Variants in MSRA observed in about 807,000 individuals in gnomAD.
The protein encoded by MSRA is methionine sulfoxide reductase A.
A neutral mutation model predicts 31.3 loss-of-function variants in MSRA; 54 were observed. That is an observed-to-expected ratio of 1.73 (90% CI 1.39 to 2.17). MSRA has a LOEUF of 2.17. Among genes scored for constraint, MSRA ranks in the 30% most tolerant of loss-of-function variants. The pLI, the probability that MSRA is intolerant of heterozygous loss-of-function variation, is 0.00. For synonymous variants in MSRA, 169 were observed against 116.5 expected (o/e 1.45, Z -2.90); for missense variants, 507 against 300.9 (o/e 1.69, Z -5.07).
intron 1 of MSRA, among the ~76,000 whole-genome samples, chr8:10,148,621 T>A (rs572282613): frequency 1.3e-5 from 2 of 151,156 alleles, no homozygotes; most frequent in East Asian, 3.9e-4. Flanking sequence ...CACTTCAGCC[T>A]GGGCAAGAGA....
intron 1 of MSRA, among the ~76,000 whole-genome samples, chr8:10,196,499 C>T (rs555230342): frequency 1.3e-5 from 2 of 152,102 alleles, no homozygotes; most frequent in South Asian, 2.1e-4. Flanking sequence ...GGTCAGGAAG[C>T]GAGGCCCCTA....
At chr8:10,260,327 T>C (rs548426514) in intron 3 of MSRA, among the ~76,000 whole-genome samples, 5 of 152,194 alleles carry the variant, frequency 3.3e-5, no homozygotes, top group Admixed American at 6.5e-5. Context: ...CACGGCATCC[T>C]GGTTAGTAAT....
At chr8:10,207,805 A>G in intron 1 of MSRA, 28 bp from the exon 2 acceptor site, 2 of 1,587,280 alleles carry the variant, frequency 1.3e-6, no homozygotes, top group Non-Finnish European at 1.7e-6. Context: ...TTACACTTAA[A>G]CTTGCATTTC....
rs148769242 is a variant in MSRA, at chr8:10,059,340, A to G, written c.142+4682A>G. On this transcript the variant is annotated intron_variant, in intron 1 of 5. Transcript: ENST00000317173. Reference sequence around the variant, plus strand: ...AATCCTTACGGTAACCCAAAGAAGTAGTAACTGTTATCACCACTTATAGAT... The same window carrying G: ...AATCCTTACGGTAACCCAAAGAAGTGGTAACTGTTATCACCACTTATAGAT... Among the ~76,000 whole-genome samples, 8 of 152,352 alleles carry G rather than the reference A, an allele frequency of 5.3e-5. No homozygotes were observed. In the East Asian group the frequency reaches 1.2e-3, roughly 22 times the overall value.
At chr8:10,213,193 A>ACTAC (rs1809664660) in intron 2 of MSRA, among the ~76,000 whole-genome samples, 1 of 152,008 alleles carries the variant, frequency 6.6e-6, no homozygotes, top group South Asian at 2.1e-4. Flanking sequence ...CTGTACCCCT[A>ACTAC]CTACCTACCC....
chr8:10,124,617 G>A (rs1009576413), intron 1 of MSRA, among the ~76,000 whole-genome samples: 13 of 152,158 alleles, frequency 8.5e-5, no homozygotes, highest in Non-Finnish European at 1.9e-4. Context: ...AATAGAACAG[G>A]ATGTATGGTT....
chr8:10,054,633 C>G lies in MSRA; in HGVS notation c.117C>G (p.Gly39=). ...NIVSPQEALP[G]RKEQTPVAAK... is the part of the protein sequence containing the mutation. ...TCAGCCCCCAGGAGGCCTTGCCGGGCCGGAAGGAACAGACCCCTGTAGCGG... is the reference window on the plus strand; with the variant it reads ...TCAGCCCCCAGGAGGCCTTGCCGGGGCGGAAGGAACAGACCCCTGTAGCGG... Residue 39 remains glycine (G), a synonymous_variant, in exon 1 of 6, where the codon GGC becomes GGG. Transcript: ENST00000317173. 6.3e-7 allele frequency: 1 copy of G among 1,575,764 alleles called. No individual in the cohort carries two copies. Among genetic ancestry groups the G allele is most frequent in the Non-Finnish European group, 8.6e-7 (1 of 1,161,660 alleles).
chr8:10,385,108 T>C (rs1806306722), intron 5 of MSRA, among the ~76,000 whole-genome samples: 1 of 151,218 alleles, frequency 6.6e-6, no homozygotes, highest in African/African-American at 2.4e-5. Flanking sequence ...CAAGTGGGAG[T>C]TCATAGGTAA....
intron 2 of MSRA, among the ~76,000 whole-genome samples, chr8:10,217,268 G>A (rs4474025): frequency 0.14 from 20,614 of 152,116 alleles, 1,542 homozygotes; most frequent in East Asian, 0.26. Context: ...ACTGCTGATG[G>A]CACCCTAGGA....
chr8:10,221,632 G>A (rs1810510965), intron 2 of MSRA, among the ~76,000 whole-genome samples: 1 of 152,060 alleles, frequency 6.6e-6, no homozygotes, highest in Non-Finnish European at 1.5e-5. Flanking sequence ...AAAATCTCTA[G>A]CAGCTTATAC....
At chr8:10,248,099 A>G (rs1797719722) in intron 3 of MSRA, among the ~76,000 whole-genome samples, 2 of 152,122 alleles carry the variant, frequency 1.3e-5, no homozygotes, top group Admixed American at 1.3e-4. Context: ...CAAACAAACA[A>G]ACAAAAACCC....
chr8:10,283,836 T>TACACACACACAC (rs372503609), intron 3 of MSRA, among the ~76,000 whole-genome samples: 58 of 53,110 alleles, frequency 1.1e-3, no homozygotes, highest in East Asian at 6.8e-3. Flanking sequence ...TATATATATA[T>TACACACACACAC]ACACACACAC....
intron 3 of MSRA, among the ~76,000 whole-genome samples, chr8:10,296,343 G>A (rs2129121713): frequency 6.6e-6 from 1 of 152,322 alleles, no homozygotes; most frequent in African/African-American, 2.4e-5. Flanking sequence ...AAACACGAAA[G>A]GTTAATAGCA....
intron 5 of MSRA, among the ~76,000 whole-genome samples, chr8:10,370,990 C>A (rs1268362305): frequency 6.6e-6 from 1 of 152,174 alleles, no homozygotes. Context: ...AGTCTGCATG[C>A]CACAATTCAA....
chr8:10,240,027 C>T (rs1033519297), intron 2 of MSRA, among the ~76,000 whole-genome samples: 2 of 152,192 alleles, frequency 1.3e-5, no homozygotes, highest in Admixed American at 6.5e-5. Context: ...TGTGGGCTCA[C>T]TGCTGCATTT....
intron 1 of MSRA, among the ~76,000 whole-genome samples, chr8:10,189,109 A>C (rs953769973): frequency 6.6e-6 from 1 of 152,138 alleles, no homozygotes; most frequent in Non-Finnish European, 1.5e-5. Flanking sequence ...CTAGTATTTC[A>C]TGTTATATGT....
intron 2 of MSRA, among the ~76,000 whole-genome samples, chr8:10,226,098 G>A (rs1810974738): frequency 1.3e-5 from 2 of 152,276 alleles, no homozygotes; most frequent in Middle Eastern, 6.8e-3. Flanking sequence ...TAAGCTAGTG[G>A]CAGGGAACCA....
intron 5 of MSRA, among the ~76,000 whole-genome samples, chr8:10,339,782 C>T (rs1378087153): frequency 1.1e-5 from 1 of 94,504 alleles, no homozygotes; most frequent in Non-Finnish European, 2.5e-5. Context: ...ACCTCGTGAT[C>T]CCCCCGCCTC....
chr8:10,081,943 CCTGTGTCCCAGCG>C (rs1798315061), intron 1 of MSRA, among the ~76,000 whole-genome samples: 1 of 152,142 alleles, frequency 6.6e-6, no homozygotes, highest in Non-Finnish European at 1.5e-5. Context: ...GTGGCTCATG[CCTGTGTCCCAGCG>C]CTGTGAGGGC....
Sources: allele counts gnomAD v4.1 joint callset (sites outside exome capture counted in the v4.1 genomes callset), GRCh38; gene constraint gnomAD v4.1.1; transcripts MANE v1.5; gene names NCBI Gene and HGNC (gene_info 2026-07-23, HGNC 2026-07-21).